Variants in OR2L13 observed in about 807,000 individuals in gnomAD.
OR2L13 encodes olfactory receptor family 2 subfamily L member 13.
A neutral mutation model predicts 15.3 loss-of-function variants in OR2L13; 14 were observed. That is an observed-to-expected ratio of 0.91 (90% confidence interval 0.60 to 1.43). The LOEUF (loss-of-function observed/expected upper bound fraction) is 1.43. OR2L13 is among the 40% of genes most tolerant of loss of function. OR2L13 has a pLI of 0.00. For missense variants in OR2L13, 367 were observed against 387.9 expected (o/e 0.95, Z 0.45); for synonymous variants, 152 against 142.9 (o/e 1.06, Z -0.45).
At chr1:248,008,365 A>G in the OR2L13 span, among the ~76,000 whole-genome samples, 1 of 152,092 alleles carries the variant, frequency 6.6e-6, no homozygotes, top group Non-Finnish European at 1.5e-5. Context: ...TTGACCATTT[A>G]TTTGGACTTC....
the OR2L13 span, among the ~76,000 whole-genome samples, chr1:247,940,120 A>G: frequency 3.3e-5 from 5 of 152,348 alleles, no homozygotes; most frequent in East Asian, 9.6e-4. Context: ...TGAAAAATAC[A>G]TGCACATACA....
chr1:248,041,347 C>T, the OR2L13 span: 1 of 152,022 alleles, frequency 6.6e-6, no homozygotes, highest in Non-Finnish European at 1.5e-5. Context: ...ACACCTTATA[C>T]AAAAATCAAT....
At chr1:247,999,247 C>T in the OR2L13 span, among the ~76,000 whole-genome samples, 1 of 152,096 alleles carries the variant, frequency 6.6e-6, no homozygotes, top group Admixed American at 6.6e-5. Context: ...CTTGAACTTA[C>T]CCAGTGAAGC....
the OR2L13 span, among the ~76,000 whole-genome samples, chr1:247,980,708 A>C: frequency 6.6e-6 from 1 of 152,224 alleles, no homozygotes; most frequent in Non-Finnish European, 1.5e-5. Context: ...CTAGCAAAAC[A>C]GTCATTAAAC....
chr1:248,090,460 C>G (rs1226296366), upstream of OR2L13, among the ~76,000 whole-genome samples: 1 of 152,048 alleles, frequency 6.6e-6, no homozygotes, highest in Non-Finnish European at 1.5e-5. Context: ...CTCAAGTAGG[C>G]CCCGGTGTCT....
chr1:248,032,989 C>A, the OR2L13 span, among the ~76,000 whole-genome samples: 1 of 150,912 alleles, frequency 6.6e-6, no homozygotes, highest in Non-Finnish European at 1.5e-5. Flanking sequence ...AAACATAAAA[C>A]CCTATTGTAA....
chr1:247,975,626 G>A, the OR2L13 span: 12 of 1,244,578 alleles, frequency 9.6e-6, no homozygotes, highest in Admixed American at 6.9e-5. Context: ...GCCCTGACAC[G>A]AGTGAGTCAG....
the OR2L13 span, among the ~76,000 whole-genome samples, chr1:248,012,619 G>A: frequency 6.6e-6 from 1 of 152,082 alleles, no homozygotes; most frequent in African/African-American, 2.4e-5. Flanking sequence ...GGTTTTAAAG[G>A]TAAAGAAATT....
chr1:247,966,430 T>C, the OR2L13 span: 1 of 1,256,098 alleles, frequency 8.0e-7, no homozygotes, highest in Non-Finnish European at 1.1e-6. Flanking sequence ...AAAAACAGTG[T>C]TTATCAATCT....
At chr1:247,966,183 A>G in the OR2L13 span, 220 of 1,613,838 alleles carry the variant, frequency 1.4e-4, 1 homozygote, top group Non-Finnish European at 1.4e-4. Flanking sequence ...GTTCCCCTTC[A>G]CGGGATAAGG....
the OR2L13 span, among the ~76,000 whole-genome samples, chr1:248,059,166 ATGCTGTG>A: frequency 5.9e-5 from 9 of 152,220 alleles, no homozygotes; most frequent in African/African-American, 2.2e-4. Flanking sequence ...GTGTGTTTGC[ATGCTGTG>A]TGAATGTTAG....
At chr1:248,046,966 AAATAG>A in the OR2L13 span, 1 of 152,316 alleles carries the variant, frequency 6.6e-6, no homozygotes, top group South Asian at 2.1e-4. Context: ...CTTTTTTCAG[AAATAG>A]AATTGAGGTG....
At chr1:247,988,840 ATAAAG>A in the OR2L13 span, among the ~76,000 whole-genome samples, 2 of 152,164 alleles carry the variant, frequency 1.3e-5, no homozygotes, top group Non-Finnish European at 1.5e-5. Context: ...TTGAAGGATC[ATAAAG>A]TAATTTATTG....
At chr1:248,027,000 C>T in the OR2L13 span, among the ~76,000 whole-genome samples, 1 of 152,154 alleles carries the variant, frequency 6.6e-6, no homozygotes, top group Non-Finnish European at 1.5e-5. Context: ...TAACCTTAAA[C>T]TCTGGCTGCC....
the OR2L13 span, among the ~76,000 whole-genome samples, chr1:248,030,773 T>G: frequency 6.6e-6 from 1 of 152,188 alleles, no homozygotes; most frequent in Non-Finnish European, 1.5e-5. Flanking sequence ...AAGAGCTTTT[T>G]ATTAGGATTA....
At chr1:248,030,696 G>A in the OR2L13 span, among the ~76,000 whole-genome samples, 2 of 152,098 alleles carry the variant, frequency 1.3e-5, no homozygotes, top group Admixed American at 6.6e-5. Flanking sequence ...GTGATCTAGA[G>A]AAGTTCGCTT....
At chr1:248,032,944 T>G in the OR2L13 span, among the ~76,000 whole-genome samples, 1 of 151,602 alleles carries the variant, frequency 6.6e-6, no homozygotes, top group Admixed American at 6.6e-5. Context: ...AACACAATAA[T>G]TTGACAACTT....
the OR2L13 span, among the ~76,000 whole-genome samples, chr1:248,057,751 T>C: frequency 6.6e-6 from 1 of 152,338 alleles, no homozygotes; most frequent in Admixed American, 6.5e-5. Context: ...TATTTCTTTT[T>C]GTTACTATTG....
the OR2L13 span, chr1:247,975,040 TTTC>T: frequency 7.5e-5 from 24 of 321,852 alleles, no homozygotes; most frequent in East Asian, 2.1e-3. Flanking sequence ...GAATTCAGAG[TTTC>T]TTCTTTGTGA....
Sources: allele counts gnomAD v4.1 joint callset (sites outside exome capture counted in the v4.1 genomes callset), GRCh38; gene constraint gnomAD v4.1.1; transcripts MANE v1.5; gene names NCBI Gene and HGNC (gene_info 2026-07-23, HGNC 2026-07-21).